CNTNAP2: variants seen among roughly 807,000 people sequenced by gnomAD.
CNTNAP2 encodes contactin associated protein 2.
Under a neutral mutation model 155.2 loss-of-function variants are expected in CNTNAP2, and 98 were observed. The observed-to-expected ratio is 0.63, with a 90% CI of 0.54 to 0.75. CNTNAP2 has a LOEUF of 0.75. Ranked by LOEUF, CNTNAP2 falls within the 30% of genes least tolerant of loss-of-function variation. The pLI, the probability that CNTNAP2 is intolerant of heterozygous loss-of-function variation, is 0.00. For missense variants in CNTNAP2, 1,727 were observed against 1,688.1 expected (o/e 1.02, Z -0.40); for synonymous variants, 651 against 631.2 (o/e 1.03, Z -0.47).
intron 8 of CNTNAP2, among the ~76,000 whole-genome samples, chr7:147,213,522 C>T (rs1324094958): frequency 6.6e-6 from 1 of 151,872 alleles, no homozygotes; most frequent in African/African-American, 2.4e-5. Flanking sequence ...CTCACAAATG[C>T]CCTTTTTCCT....
At chr7:147,289,473 G>GGGAA (rs754178851) in intron 8 of CNTNAP2, among the ~76,000 whole-genome samples, 6 of 151,878 alleles carry the variant, frequency 4.0e-5, no homozygotes, top group Non-Finnish European at 7.4e-5. Context: ...AAGGAAAGGA[G>GGGAA]GGAAGGAAGG....
At chr7:147,926,094 A>G (rs1800392880) in intron 14 of CNTNAP2, among the ~76,000 whole-genome samples, 1 of 152,226 alleles carries the variant, frequency 6.6e-6, no homozygotes, top group African/African-American at 2.4e-5. Context: ...GTTTGTTTAA[A>G]TCAGATGTAA....
At chr7:147,423,333 G>A (rs144366111) in intron 10 of CNTNAP2, among the ~76,000 whole-genome samples, 253 of 152,186 alleles carry the variant, frequency 1.7e-3, no homozygotes, top group African/African-American at 5.8e-3. Flanking sequence ...TCATGGAATC[G>A]GCCATGCAGT....
Position 147,516,129 on chromosome 7 carries a change from T to C in CNTNAP2, c.1777+30088T>C, listed in dbSNP as rs1319033717. Among the ~76,000 whole-genome samples the C allele has an allele frequency of 2.0e-5, 3 of 152,194 alleles. No homozygotes were observed. The East Asian group carries it at 5.8e-4, about 29-fold the overall frequency. On this transcript the variant is annotated intron_variant, in intron 11 of 23. Coordinates refer to ENST00000361727, the MANE Select transcript of CNTNAP2 (RefSeq NM_014141.6). ...AACAAAAGATTAAAATCATTTAAAA[T>C]GTTAGGAGAAAACTTAATAAAACTC...
At chr7:147,206,774 T>C (rs1803031851) in intron 8 of CNTNAP2, among the ~76,000 whole-genome samples, 1 of 152,156 alleles carries the variant, frequency 6.6e-6, no homozygotes, top group South Asian at 2.1e-4. Context: ...AAAACAATCA[T>C]AAAAACAAAA....
chr7:146,392,183 A>G (rs771605224), intron 1 of CNTNAP2, among the ~76,000 whole-genome samples: 1 of 152,148 alleles, frequency 6.6e-6, no homozygotes, highest in South Asian at 2.1e-4. Flanking sequence ...TCAATTTCCC[A>G]ACTTTTAAAT....
At chr7:147,503,469 C>T (rs1584776048) in intron 11 of CNTNAP2, among the ~76,000 whole-genome samples, 3 of 152,070 alleles carry the variant, frequency 2.0e-5, no homozygotes, top group East Asian at 1.9e-4. Flanking sequence ...CTCTACACCC[C>T]GCTTTGCCAC....
intron 9 of CNTNAP2, among the ~76,000 whole-genome samples, chr7:147,370,281 C>A (rs960985088): frequency 6.6e-6 from 1 of 152,182 alleles, no homozygotes; most frequent in South Asian, 2.1e-4. Context: ...TTCCGTGCAT[C>A]TGTATTTGAT....
At position 147,273,065 on chromosome 7, in the gene CNTNAP2, C is replaced by T. The variant is rs1253931917; in HGVS notation, c.1349-27076C>T. 2.0e-5 allele frequency among the ~76,000 whole-genome samples: 3 copies of T among 152,012 alleles called. No homozygotes were observed. In the South Asian group the frequency reaches 6.2e-4, roughly 32 times the overall value. ...TTTTAGACTAAGGAAGGGCATGGTG[C>T]GGGGTTTCCACTGCTGCTTAAACTG... On this transcript the variant is annotated intron_variant, in intron 8 of 23. Transcript: ENST00000361727.
intron 3 of CNTNAP2, among the ~76,000 whole-genome samples, chr7:146,928,258 G>C (rs1796651314): frequency 6.6e-6 from 1 of 152,084 alleles, no homozygotes; most frequent in Non-Finnish European, 1.5e-5. Flanking sequence ...TAAAATCCCT[G>C]TCATTATCAT....
At chr7:147,138,702 C>A (rs1335557916) in intron 8 of CNTNAP2, among the ~76,000 whole-genome samples, 1 of 151,872 alleles carries the variant, frequency 6.6e-6, no homozygotes, top group East Asian at 1.9e-4. Context: ...CTTTAGAAAG[C>A]AAAAGGGACA....
chr7:147,934,325 G>A (rs1234890975), intron 14 of CNTNAP2, among the ~76,000 whole-genome samples: 1 of 152,146 alleles, frequency 6.6e-6, no homozygotes, highest in Non-Finnish European at 1.5e-5. Flanking sequence ...CACAGTCATG[G>A]CAGAAGGCAA....
chr7:146,141,224 G>A (rs572145175), intron 1 of CNTNAP2, among the ~76,000 whole-genome samples: 6 of 152,266 alleles, frequency 3.9e-5, no homozygotes, highest in South Asian at 2.1e-4. Flanking sequence ...TACATTTGTC[G>A]TTGTTATATT....
At chr7:146,286,667 C>T (rs1020358055) in intron 1 of CNTNAP2, among the ~76,000 whole-genome samples, 18 of 152,142 alleles carry the variant, frequency 1.2e-4, no homozygotes, top group African/African-American at 4.1e-4. Context: ...CTTCTAGGGC[C>T]TTCCTTGTCT....
chr7:147,160,502 A>C (rs1202928652), intron 8 of CNTNAP2, among the ~76,000 whole-genome samples: 1 of 152,108 alleles, frequency 6.6e-6, no homozygotes, highest in African/African-American at 2.4e-5. Context: ...TTTTAATTAC[A>C]ACCCCCTCCT....
At chr7:147,108,785 T>C (rs149836903) in intron 5 of CNTNAP2, among the ~76,000 whole-genome samples, 96 of 152,228 alleles carry the variant, frequency 6.3e-4, no homozygotes, top group African/African-American at 2.2e-3. Context: ...AGGGCTAATA[T>C]TAGAATGTGT....
chr7:148,319,575 A>T (rs1797753970), intron 21 of CNTNAP2, among the ~76,000 whole-genome samples: 1 of 152,040 alleles, frequency 6.6e-6, no homozygotes, highest in Admixed American at 6.5e-5. Context: ...GAAGCTTCAT[A>T]TGTGTTTACA....
At chr7:147,162,365 A>T (rs949786123) in intron 8 of CNTNAP2, among the ~76,000 whole-genome samples, 4 of 152,118 alleles carry the variant, frequency 2.6e-5, no homozygotes, top group Admixed American at 2.6e-4. Context: ...GTACAAAATT[A>T]AAAAAAGACT....
At chr7:148,264,154 T>C (rs1026698330) in intron 20 of CNTNAP2, among the ~76,000 whole-genome samples, 3 of 152,244 alleles carry the variant, frequency 2.0e-5, no homozygotes, top group Non-Finnish European at 2.9e-5. Flanking sequence ...AACTGTGTAC[T>C]ATGTATCCAT....
Sources: gnomAD v4.1 joint callset for allele counts (sites outside exome capture counted in the v4.1 genomes callset) on GRCh38, gnomAD v4.1.1 for gene constraint, MANE v1.5 for transcripts, NCBI Gene and HGNC (gene_info 2026-07-23, HGNC 2026-07-21) for gene names.